Variants in TEX9 observed in about 807,000 individuals in gnomAD.
TEX9 encodes testis-expressed protein 9.
A neutral mutation model predicts 59.6 loss-of-function variants in TEX9; 74 were observed. The observed-to-expected ratio is 1.24, with a 90% CI of 1.03 to 1.51. TEX9 has a LOEUF of 1.51. Among genes scored for constraint, TEX9 ranks in the 40% most tolerant of loss-of-function variants. The pLI is 0.00. For synonymous variants in TEX9, 186 were observed against 152.2 expected (o/e 1.22, Z -1.64); for missense variants, 522 against 447.8 (o/e 1.17, Z -1.49).
intron 1 of TEX9, among the ~76,000 whole-genome samples, chr15:56,260,116 A>T (rs867230034): frequency 3.3e-5 from 5 of 152,088 alleles, no homozygotes; most frequent in African/African-American, 1.2e-4. Context: ...GACTTATCTA[A>T]ATTCATTAAT....
intron 1 of TEX9, among the ~76,000 whole-genome samples, chr15:56,269,869 G>A (rs1382855482): frequency 1.3e-5 from 2 of 152,002 alleles, no homozygotes; most frequent in Non-Finnish European, 2.9e-5. Flanking sequence ...TGTTAGCCAG[G>A]ATGGTCTCAA....
At chr15:56,355,751 C>T (rs1290432496) in intron 1 of TEX9, among the ~76,000 whole-genome samples, 1 of 152,040 alleles carries the variant, frequency 6.6e-6, no homozygotes, top group Non-Finnish European at 1.5e-5. Context: ...TTGATATTTT[C>T]TGATGATGTT....
intron 12 of TEX9, chr15:56,429,905 C>A (rs1335776526): frequency 2.6e-5 from 4 of 152,092 alleles, no homozygotes; most frequent in African/African-American, 9.7e-5. Flanking sequence ...AATATCAAAT[C>A]CCAAAGAAAG....
intron 1 of TEX9, among the ~76,000 whole-genome samples, chr15:56,351,678 G>A (rs2141878314): frequency 6.6e-6 from 1 of 152,256 alleles, no homozygotes; most frequent in East Asian, 1.9e-4. Context: ...CAAATGTCAT[G>A]AATAATCAGA....
At chr15:56,284,584 T>G (rs2044899793) in intron 1 of TEX9, among the ~76,000 whole-genome samples, 1 of 152,118 alleles carries the variant, frequency 6.6e-6, no homozygotes, top group African/African-American at 2.4e-5. Flanking sequence ...GGAATGAGAC[T>G]GGAAGGAAAC....
intron 9 of TEX9, among the ~76,000 whole-genome samples, chr15:56,411,888 G>T (rs750129332): frequency 6.6e-6 from 1 of 152,108 alleles, no homozygotes; most frequent in Non-Finnish European, 1.5e-5. Context: ...ATTCTGAAAA[G>T]ATTTACTTTG....
intron 10 of TEX9, 103 bp from the exon 11 acceptor site, chr15:56,427,502 A>G (rs960664899): frequency 1.3e-6 from 1 of 745,350 alleles, no homozygotes; most frequent in Non-Finnish European, 1.9e-6. Context: ...TTTATATTTC[A>G]GTTTAAGAAA....
At chr15:56,366,703 T>A (rs901734790) in intron 2 of TEX9, among the ~76,000 whole-genome samples, 1 of 152,214 alleles carries the variant, frequency 6.6e-6, no homozygotes, top group Admixed American at 6.5e-5. Context: ...CGTTTTAATA[T>A]AAAATAACTA....
At chr15:56,400,759 GA>G (rs1160825102) in intron 9 of TEX9, among the ~76,000 whole-genome samples, 3 of 152,184 alleles carry the variant, frequency 2.0e-5, no homozygotes, top group Non-Finnish European at 4.4e-5. Context: ...CCCACAAAGG[GA>G]AGCCCATCAG....
intron 9 of TEX9, among the ~76,000 whole-genome samples, chr15:56,404,364 C>G (rs2048963603): frequency 6.6e-6 from 1 of 152,076 alleles, no homozygotes; most frequent in African/African-American, 2.4e-5. Flanking sequence ...ATTTATGCAG[C>G]CAAAAGACAC....
intron 1 of TEX9, among the ~76,000 whole-genome samples, chr15:56,260,138 A>G (rs2044230385): frequency 6.6e-6 from 1 of 152,038 alleles, no homozygotes; most frequent in Non-Finnish European, 1.5e-5. Flanking sequence ...CTAATTGTGT[A>G]TATATTATTT....
At chr15:56,307,803 C>T (rs1475026026) in intron 1 of TEX9, among the ~76,000 whole-genome samples, 1 of 152,100 alleles carries the variant, frequency 6.6e-6, no homozygotes, top group African/African-American at 2.4e-5. Flanking sequence ...TATGGATTTG[C>T]CTATTCTGGA....
intron 12 of TEX9, among the ~76,000 whole-genome samples, chr15:56,432,684 T>C (rs954895994): frequency 2.6e-5 from 4 of 152,218 alleles, no homozygotes; most frequent in Non-Finnish European, 5.9e-5. Context: ...TTCTAGTTAG[T>C]TGTCTTGCTA....
chr15:56,383,893 T>C, intron 3 of TEX9, 59 bp from the exon 4 acceptor site: 2 of 1,286,100 alleles, frequency 1.6e-6, no homozygotes, highest in African/African-American at 1.5e-5. Flanking sequence ...CACTTGAATA[T>C]ATCTTAATGG....
chr15:56,438,874 A>G (rs1171663184), intron 12 of TEX9, among the ~76,000 whole-genome samples: 1 of 152,216 alleles, frequency 6.6e-6, no homozygotes, highest in Non-Finnish European at 1.5e-5. Context: ...TATGCAGCCA[A>G]CAGACAAGAA....
At position 56,320,935 on chromosome 15, in the gene TEX9, A is replaced by G. The variant is rs138906183; in HGVS notation, c.-106-52506A>G. Among the ~76,000 whole-genome samples the G allele has an allele frequency of 2.0e-3, 304 of 152,300 alleles. 2 individuals carry two copies. The highest frequency in any genetic ancestry group is 7.0e-3 in the African/African-American group (293 of 41,562). Reference sequence around the variant, plus strand: ...AAATAAAGACAGTACATTTCCACTAATATGCATGAGACAAAGCCTAAGCCA... The same window carrying G: ...AAATAAAGACAGTACATTTCCACTAGTATGCATGAGACAAAGCCTAAGCCA... On this transcript the variant is annotated intron_variant, in intron 1 of 5. Coordinates refer to the TEX9 transcript ENST00000560827.
intron 1 of TEX9, among the ~76,000 whole-genome samples, chr15:56,264,284 G>A (rs1347042578): frequency 2.6e-4 from 40 of 152,124 alleles, no homozygotes; most frequent in Non-Finnish European, 3.8e-4. Flanking sequence ...ATAGGTGTGT[G>A]GTGGAATTTC....
At chr15:56,281,439 G>A (rs907644764) in intron 1 of TEX9, among the ~76,000 whole-genome samples, 23 of 152,206 alleles carry the variant, frequency 1.5e-4, no homozygotes, top group African/African-American at 4.8e-4. Flanking sequence ...AAAGGAGCCC[G>A]AACCCTTCTG....
At chr15:56,338,780 T>C (rs962020957) in intron 1 of TEX9, among the ~76,000 whole-genome samples, 2 of 151,876 alleles carry the variant, frequency 1.3e-5, no homozygotes, top group Non-Finnish European at 1.5e-5. Context: ...TAGCTGGGCA[T>C]GGTGGCGAGT....
Sources: gnomAD v4.1 joint callset for allele counts (sites outside exome capture counted in the v4.1 genomes callset) on GRCh38, gnomAD v4.1.1 for gene constraint, MANE v1.5 for transcripts, NCBI Gene and HGNC (gene_info 2026-07-23, HGNC 2026-07-21) for gene names.